The following SDR16C5 variants were observed in gnomAD, a reference collection of about 807,000 sequenced individuals.
SDR16C5 encodes epidermal retinol dehydrogenase 2.
In SDR16C5, 20 loss-of-function variants were observed where a neutral mutation model predicts 27.7. The ratio of observed to expected loss-of-function variants is 0.72; its 90% CI spans 0.51 to 1.05. The LOEUF (loss-of-function observed/expected upper bound fraction) is 1.05. Among genes scored for constraint, SDR16C5 ranks in the 50% least tolerant of loss-of-function variants. The pLI is 0.00. For missense variants in SDR16C5, 374 were observed against 366.3 expected, an observed-to-expected ratio of 1.02 and a Z score of -0.17; for synonymous variants, 139 against 132.3, an observed-to-expected ratio of 1.05 and a Z score of -0.35.
rs536366267 is a variant in SDR16C5, at chr8:56,300,224, C to T, written c.*1256G>A. 6 of 151,718 alleles carry T rather than the reference C, an allele frequency of 4.0e-5. No individual in the cohort carries two copies. In the South Asian group the frequency reaches 1.0e-3, roughly 26 times the overall value. The allele number at this position is 151,718 out of a possible 1,614,324, so 9.4% of individuals were successfully genotyped here. A position where few individuals can be genotyped will look rare whatever the true frequency, so the allele number is the denominator to read the frequency against. On this transcript the variant is annotated 3_prime_UTR_variant, in exon 7 of 7. Coordinates refer to ENST00000303749, the MANE Select transcript of SDR16C5 (RefSeq NM_138969.4). Reference sequence around the variant, plus strand: ...AATGGAAAGGAAATACAGATCAGGGCTGTCATGTTCGTGCAGGCCACTCAA... The same window carrying T: ...AATGGAAAGGAAATACAGATCAGGGTTGTCATGTTCGTGCAGGCCACTCAA...
intron 2 of SDR16C5, among the ~76,000 whole-genome samples, chr8:56,314,645 C>T (rs551355180): frequency 2.0e-4 from 31 of 152,276 alleles, no homozygotes; most frequent in Non-Finnish European, 4.0e-4. Context: ...AGCGTAGGCC[C>T]GAGCAAATTT....
rs769531052 is a variant in SDR16C5 at position 56,312,166 on chromosome 8, T to G, written c.456A>C (p.Ala152=). The change falls in exon 3 of 7, where the codon GCA becomes GCC. Residue 152 remains alanine, a synonymous_variant. Transcript: ENST00000303749. ...AAGAAACAATTATTACCCATAAATG[T>G]GCTTTGAAATTCACATCAAATGACT... ...MEKSFDVNFK[A]HLWTYKAFLP... is the part of the protein sequence containing the mutation. 1 of 1,612,148 alleles carries G rather than the reference T, an allele frequency of 6.2e-7. No individual in the cohort carries two copies. Among genetic ancestry groups the G allele is most frequent in the South Asian group, 1.1e-5 (1 of 90,970 alleles).
chr8:56,312,293 A>G lies in SDR16C5; in HGVS notation c.334-5T>C, dbSNP rs776740048. On this transcript the variant is annotated splice_region_variant and splice_polypyrimidine_tract_variant and intron_variant, in intron 2 of 6. Coordinates refer to ENST00000303749, the MANE Select transcript of SDR16C5 (RefSeq NM_138969.4). Reference sequence around the variant, plus strand: ...ATCGCCGACTTCTTTTTTAACCTGAATTGAATAAGAGCAACACCACCAATG... The same window carrying G: ...ATCGCCGACTTCTTTTTTAACCTGAGTTGAATAAGAGCAACACCACCAATG... The G allele has an allele frequency of 6.2e-7, 1 of 1,612,478 alleles. No homozygotes were observed. Among genetic ancestry groups the G allele is most frequent in the East Asian group, 2.2e-5 (1 of 44,884 alleles).
chr8:56,319,226 C>G (rs1815272570), intron 1 of SDR16C5, among the ~76,000 whole-genome samples: 1 of 152,004 alleles, frequency 6.6e-6, no homozygotes, highest in Admixed American at 6.5e-5. Flanking sequence ...TCAACACCTG[C>G]CAGCTTACAT....
chr8:56,306,530 C>G (rs1366829719), intron 5 of SDR16C5, 146 bp downstream of exon 5: 1 of 779,232 alleles, frequency 1.3e-6, no homozygotes, highest in Admixed American at 3.4e-5. Flanking sequence ...CAAACACATA[C>G]TAAGAAAGAC....
chr8:56,316,793 A>T (rs1815211236), intron 1 of SDR16C5, among the ~76,000 whole-genome samples: 1 of 152,188 alleles, frequency 6.6e-6, no homozygotes, highest in African/African-American at 2.4e-5. Context: ...CTCTGGCTTT[A>T]TGTTTCTCTC....
intron 1 of SDR16C5, among the ~76,000 whole-genome samples, chr8:56,317,985 T>A (rs1815242906): frequency 1.3e-5 from 2 of 152,068 alleles, no homozygotes. Flanking sequence ...TAAGCCATAG[T>A]GTTATAAAGA....
chr8:56,317,701 G>A (rs73598189), intron 1 of SDR16C5, among the ~76,000 whole-genome samples: 3,761 of 152,298 alleles, frequency 0.025, 170 homozygotes, highest in African/African-American at 0.086. Flanking sequence ...AGGAAATGTC[G>A]AGAGTCGATG....
rs761091795 is a variant in SDR16C5 at position 56,305,615 on chromosome 8, A to G, written c.818T>C (p.Phe273Ser). 17 of 1,587,740 alleles carry G rather than the reference A, an allele frequency of 1.1e-5. No homozygotes were observed. Among genetic ancestry groups the G allele is most frequent in the Non-Finnish European group, 1.4e-5 (16 of 1,172,680 alleles). ...MYLYMPKLLYFMMFLKSFLPL... is the reference protein window; with the variant it reads ...MYLYMPKLLYSMMFLKSFLPL... ...TAATTACCTTTTAAGAAACATCATG[A>G]AGTATAACAACTTTGGCATATACAA... Residue 273 changes from phenylalanine to serine, a missense_variant, in exon 6 of 7, where the codon TTC (phenylalanine) becomes TCC (serine). Physicochemically the swap from Phe to Ser is radical, Grantham distance 155. Coordinates refer to ENST00000303749, the MANE Select transcript of SDR16C5 (RefSeq NM_138969.4).
chr8:56,316,357 G>T lies in SDR16C5; in HGVS notation c.-10C>A. The T allele has an allele frequency of 6.3e-7, 1 of 1,597,158 alleles. No homozygotes were observed. Among genetic ancestry groups the T allele is most frequent in the South Asian group, 1.1e-5 (1 of 90,530 alleles). ...GCAGGTTGAAAGACATGTTCTGGCT[G>T]ACACCTGTGAAGAAAGACAGATTCA... is the stretch of plus-strand genomic sequence containing the variant. On this transcript the variant is annotated 5_prime_UTR_variant, in exon 2 of 7. Transcript: ENST00000303749.
At chr8:56,311,036 A>G (rs1815032245) in intron 3 of SDR16C5, among the ~76,000 whole-genome samples, 1 of 152,172 alleles carries the variant, frequency 6.6e-6, no homozygotes, top group Non-Finnish European at 1.5e-5. Flanking sequence ...ACTTGGGTGG[A>G]AAGGTGTGAG....
chr8:56,305,416 CA>C (rs1814855941), intron 6 of SDR16C5, among the ~76,000 whole-genome samples, 180 bp downstream of exon 6: 1 of 152,134 alleles, frequency 6.6e-6, no homozygotes, highest in African/African-American at 2.4e-5. Flanking sequence ...GCGGGCACTG[CA>C]ACTGTGTAAA....
intron 3 of SDR16C5, among the ~76,000 whole-genome samples, chr8:56,310,713 T>G (rs1815024338): frequency 9.7e-6 from 1 of 102,966 alleles, no homozygotes; most frequent in Non-Finnish European, 2.0e-5. Flanking sequence ...TGATACTCTA[T>G]CTCAAAAAAA....
At chr8:56,316,471 A>G (rs1188089303) in intron 1 of SDR16C5, 110 bp from the exon 2 acceptor site, 9 of 678,876 alleles carry the variant, frequency 1.3e-5, no homozygotes, top group Non-Finnish European at 2.0e-5. Context: ...GAGATATGTG[A>G]TTTAAACAGC....
At chr8:56,309,876 A>G (rs1814979064) in intron 3 of SDR16C5, among the ~76,000 whole-genome samples, 1 of 152,048 alleles carries the variant, frequency 6.6e-6, no homozygotes, top group Admixed American at 6.5e-5. Flanking sequence ...CCCAGCCTTC[A>G]GGTAGCTCTT....
At chr8:56,311,611 G>A (rs1296476650) in intron 3 of SDR16C5, among the ~76,000 whole-genome samples, 12 of 152,150 alleles carry the variant, frequency 7.9e-5, no homozygotes, top group Non-Finnish European at 5.9e-5. Context: ...GCTGGTAGCA[G>A]GTGGTAACCT....
intron 6 of SDR16C5, among the ~76,000 whole-genome samples, chr8:56,303,598 T>C (rs1240773775): frequency 6.6e-6 from 1 of 152,218 alleles, no homozygotes; most frequent in Non-Finnish European, 1.5e-5. Flanking sequence ...TCTCTGAATA[T>C]TTGCTGAATG....
intron 1 of SDR16C5, among the ~76,000 whole-genome samples, chr8:56,317,105 G>A (rs1007082797): frequency 6.6e-6 from 1 of 152,260 alleles, no homozygotes; most frequent in African/African-American, 2.4e-5. Flanking sequence ...ACCCCATGGC[G>A]GGGGTTCTCT....
At chr8:56,315,459 T>C (rs895499011) in intron 2 of SDR16C5, among the ~76,000 whole-genome samples, 2 of 152,198 alleles carry the variant, frequency 1.3e-5, no homozygotes, top group African/African-American at 4.8e-5. Context: ...CATTCGAACG[T>C]AGGGTACTGT....
Sources: gnomAD v4.1 joint callset for allele counts (sites outside exome capture counted in the v4.1 genomes callset) on GRCh38, gnomAD v4.1.1 for gene constraint, MANE v1.5 for transcripts, NCBI Gene and HGNC (gene_info 2026-07-23, HGNC 2026-07-21) for gene names.